Variants in VEPH1 observed in about 807,000 individuals in gnomAD.
VEPH1 encodes ventricular zone expressed PH domain containing 1.
In VEPH1, 80 loss-of-function variants were observed where a neutral mutation model predicts 85.2. That is an observed-to-expected ratio of 0.94 (90% CI 0.78 to 1.13). The LOEUF is 1.13. VEPH1 is among the 50% of genes most tolerant of loss of function. The pLI is 0.00. For missense variants in VEPH1, 955 were observed against 980.5 expected (o/e 0.97, Z 0.35); for synonymous variants, 297 against 348.0 (o/e 0.85, Z 1.63).
At chr3:157,341,549 T>A (rs1385980074) in intron 9 of VEPH1, among the ~76,000 whole-genome samples, 1 of 141,748 alleles carries the variant, frequency 7.1e-6, no homozygotes, top group Non-Finnish European at 1.6e-5. Flanking sequence ...CTATGTCTGA[T>A]TGGTGTACCT....
rs139536706 is a variant in VEPH1 at position 157,369,282 on chromosome 3, C to T, written c.1128-4770G>A. The stretch of plus-strand genomic sequence containing the variant: ...TTCAGGGTTTGGGGATGGCACAGTG[C>T]TATTTGGTAAACATGAAATGTGGAG... On this transcript the variant is annotated intron_variant, in intron 7 of 13. Coordinates refer to ENST00000362010, the MANE Select transcript of VEPH1 (RefSeq NM_001167912.2). 2.4e-3 allele frequency among the ~76,000 whole-genome samples: 341 copies of T among 144,734 alleles called. 1 individual carries two copies. Among genetic ancestry groups the T allele is most frequent in the African/African-American group, 8.2e-3 (326 of 39,800 alleles). The allele number at this position is 144,734 out of a possible 152,430, so 95.0% of individuals were successfully genotyped here. A position where few individuals can be genotyped will look rare whatever the true frequency, so the allele number is the denominator to read the frequency against.
intron 7 of VEPH1, among the ~76,000 whole-genome samples, chr3:157,371,105 G>A (rs568505838): frequency 3.3e-5 from 5 of 152,278 alleles, no homozygotes; most frequent in African/African-American, 1.2e-4. Flanking sequence ...TTGCGCAAGT[G>A]TTACCAATCC....
intron 7 of VEPH1, among the ~76,000 whole-genome samples, chr3:157,368,706 T>C (rs986047694): frequency 6.6e-6 from 1 of 152,062 alleles, no homozygotes; most frequent in Non-Finnish European, 1.5e-5. Flanking sequence ...TTAGCCAGGA[T>C]GGTCTCAATC....
chr3:157,484,098 A>C (rs984827502), intron 2 of VEPH1, among the ~76,000 whole-genome samples: 20 of 152,192 alleles, frequency 1.3e-4, no homozygotes, highest in Non-Finnish European at 7.3e-5. Context: ...AGAAAAGTAG[A>C]TTCGGTATAA....
intron 11 of VEPH1, among the ~76,000 whole-genome samples, chr3:157,300,681 T>G (rs1304427642): frequency 1.3e-5 from 2 of 152,190 alleles, no homozygotes; most frequent in African/African-American, 4.8e-5. Flanking sequence ...AACAGACAAG[T>G]GTATTACAAT....
intron 7 of VEPH1, among the ~76,000 whole-genome samples, chr3:157,380,896 G>A (rs1401454034): frequency 2.0e-5 from 3 of 152,144 alleles, no homozygotes; most frequent in Non-Finnish European, 4.4e-5. Flanking sequence ...AAATAAACGG[G>A]TGCTATAAAA....
chr3:157,327,270 G>A (rs923061952), intron 9 of VEPH1, among the ~76,000 whole-genome samples: 1 of 152,200 alleles, frequency 6.6e-6, no homozygotes, highest in Admixed American at 6.5e-5. Flanking sequence ...ACCTTAGGGA[G>A]ATAAGCATAG....
intron 12 of VEPH1, among the ~76,000 whole-genome samples, chr3:157,273,887 C>T (rs1171009744): frequency 6.6e-6 from 1 of 152,208 alleles, no homozygotes; most frequent in Non-Finnish European, 1.5e-5. Context: ...GTGCTGAATG[C>T]CATGTTTACT....
intron 9 of VEPH1, among the ~76,000 whole-genome samples, chr3:157,332,658 G>A (rs1559966463): frequency 6.6e-6 from 1 of 152,084 alleles, no homozygotes; most frequent in African/African-American, 2.4e-5. Context: ...GGACAATTGA[G>A]TTGTTTCTAC....
At chr3:157,418,823 A>G (rs945274115) in intron 5 of VEPH1, among the ~76,000 whole-genome samples, 2 of 152,246 alleles carry the variant, frequency 1.3e-5, no homozygotes, top group African/African-American at 4.8e-5. Flanking sequence ...AGAATTAGAA[A>G]AGACTATTTT....
At chr3:157,475,934 T>C (rs2109526415) in intron 2 of VEPH1, among the ~76,000 whole-genome samples, 1 of 152,292 alleles carries the variant, frequency 6.6e-6, no homozygotes, top group East Asian at 1.9e-4. Flanking sequence ...TAAGGAGCTC[T>C]GGGTAAGAAG....
Position 157,265,608 on chromosome 3 carries a change from A to T in VEPH1, c.2183T>A (p.Val728Asp), listed in dbSNP as rs1713531478. 1.2e-6 allele frequency: 2 copies of T among 1,613,626 alleles called. No homozygotes were observed. The highest frequency in any genetic ancestry group is 1.7e-6 in the Non-Finnish European group (2 of 1,179,782). Residue 728 changes from valine to aspartate, a missense_variant, in exon 13 of 14, where the codon GTC becomes GAC. Transcript: ENST00000362010. The part of the protein sequence containing the change: ...LIEGKLKEKQ[V>D]RWKFIKRWKT... ...CCACCTTTTGATGAACTTCCATCTG[A>T]CTTGCTTCTCTTTAAGTTTTCCTTC...
At position 157,286,477 on chromosome 3, in the gene VEPH1, G is replaced by T. The variant is rs558789377; in HGVS notation, c.2128+80C>A. 11 of 1,100,490 alleles carry T rather than the reference G, an allele frequency of 1.0e-5. No individual in the cohort carries two copies. The East Asian group carries it at 2.1e-4, about 21-fold the overall frequency. The allele number at this position is 1,100,490 out of a possible 1,614,324, so 68.2% of individuals were successfully genotyped here. On this transcript the variant is annotated intron_variant, in intron 12 of 13. Coordinates refer to ENST00000362010, the MANE Select transcript of VEPH1 (RefSeq NM_001167912.2). ...CTGGGGATGTTTATGCAAGAGGAAG[G>T]CCACCTAGAAAAATGGAGCTGACAG...
intron 9 of VEPH1, among the ~76,000 whole-genome samples, chr3:157,362,447 C>T (rs1182904480): frequency 6.6e-6 from 1 of 152,140 alleles, no homozygotes; most frequent in Non-Finnish European, 1.5e-5. Context: ...CTGACTAGCT[C>T]AACCTCTCAC....
chr3:157,338,720 C>T (rs1723208994), intron 9 of VEPH1, among the ~76,000 whole-genome samples: 2 of 152,158 alleles, frequency 1.3e-5, no homozygotes, highest in African/African-American at 4.8e-5. Flanking sequence ...CTAATAAGGG[C>T]TGTCACCCTA....
rs373119838 is a variant in VEPH1, at chr3:157,469,358, A to T, written c.354+956T>A. On this transcript the variant is annotated intron_variant, in intron 3 of 13. Coordinates refer to ENST00000362010, the MANE Select transcript of VEPH1 (RefSeq NM_001167912.2). ...AAGAAGAATAAAGGACGCTCATATC[A>T]GCTGCAACATGCACTGCTAAGCATT... 2.1e-4 allele frequency among the ~76,000 whole-genome samples: 32 copies of T among 152,350 alleles called. No homozygotes were observed. In the East Asian group the frequency reaches 6.2e-3, roughly 29 times the overall value.
At chr3:157,487,535 A>C (rs1438222857) in intron 2 of VEPH1, among the ~76,000 whole-genome samples, 1 of 152,260 alleles carries the variant, frequency 6.6e-6, no homozygotes, top group African/African-American at 2.4e-5. Context: ...CTTGCAGATA[A>C]CAAAATGTGG....
chr3:157,338,306 C>T (rs1008168431), intron 9 of VEPH1, among the ~76,000 whole-genome samples: 2 of 152,140 alleles, frequency 1.3e-5, no homozygotes, highest in African/African-American at 4.8e-5. Flanking sequence ...TAAACCAAGG[C>T]CTTGTCTACT....
chr3:157,468,778 A>G (rs987777399), intron 3 of VEPH1, among the ~76,000 whole-genome samples: 2 of 152,134 alleles, frequency 1.3e-5, no homozygotes, highest in African/African-American at 4.8e-5. Flanking sequence ...TTTAATTGAG[A>G]TAAAATATAC....
Sources: allele counts gnomAD v4.1 joint callset (sites outside exome capture counted in the v4.1 genomes callset), GRCh38; gene constraint gnomAD v4.1.1; transcripts MANE v1.5; gene names NCBI Gene and HGNC (gene_info 2026-07-23, HGNC 2026-07-21).